The following SGCZ variants were observed in gnomAD, a reference collection of about 807,000 sequenced individuals.
The protein encoded by SGCZ is zeta-sarcoglycan.
In SGCZ, 40 loss-of-function variants were observed where a neutral mutation model predicts 41.3. The ratio of observed to expected loss-of-function variants is 0.97; its 90% CI spans 0.75 to 1.26. The LOEUF (loss-of-function observed/expected upper bound fraction) is 1.26. Among genes scored for constraint, SGCZ ranks in the 50% most tolerant of loss-of-function variants. SGCZ has a pLI of 0.00. For synonymous variants in SGCZ, 206 were observed against 137.5 expected, an observed-to-expected ratio of 1.50 and a Z score of -3.49; for missense variants, 552 against 369.8, an observed-to-expected ratio of 1.49 and a Z score of -4.04.
chr8:14,198,804 C>T (rs35968255), intron 4 of SGCZ, among the ~76,000 whole-genome samples: 6,042 of 152,200 alleles, frequency 0.04, 164 homozygotes, highest in Admixed American at 0.081. Context: ...ATTTCTTATG[C>T]CTGTCTTTAC....
intron 5 of SGCZ, among the ~76,000 whole-genome samples, chr8:14,140,543 A>G (rs1803337274): frequency 6.6e-6 from 1 of 152,126 alleles, no homozygotes. Context: ...AACAGAGAGC[A>G]AAATAGTGAG....
intron 1 of SGCZ, among the ~76,000 whole-genome samples, chr8:15,129,491 A>G (rs974894554): frequency 1.3e-5 from 2 of 152,148 alleles, no homozygotes; most frequent in African/African-American, 2.4e-5. Context: ...TTGCCATCAA[A>G]TGTCCTCTCA....
At chr8:14,779,855 T>G (rs1435174755) in intron 1 of SGCZ, among the ~76,000 whole-genome samples, 1 of 152,232 alleles carries the variant, frequency 6.6e-6, no homozygotes, top group Non-Finnish European at 1.5e-5. Context: ...TATTAATAAT[T>G]GCATTTAATT....
intron 2 of SGCZ, among the ~76,000 whole-genome samples, chr8:14,353,002 T>C (rs565704123): frequency 1.3e-5 from 2 of 152,232 alleles, no homozygotes; most frequent in African/African-American, 2.4e-5. Flanking sequence ...CTGTAACATT[T>C]CTGGACAACT....
chr8:14,990,232 T>C (rs1219421707), intron 1 of SGCZ, among the ~76,000 whole-genome samples: 1 of 152,010 alleles, frequency 6.6e-6, no homozygotes. Flanking sequence ...AAACCCAAAA[T>C]TTAGTGTGAT....
At chr8:14,871,319 C>G (rs1385450780) in intron 1 of SGCZ, among the ~76,000 whole-genome samples, 1 of 152,106 alleles carries the variant, frequency 6.6e-6, no homozygotes, top group African/African-American at 2.4e-5. Context: ...CTGTGAAAGA[C>G]AGTTTTGTGA....
chr8:14,414,677 T>C (rs1379240600), intron 2 of SGCZ, among the ~76,000 whole-genome samples: 2 of 152,006 alleles, frequency 1.3e-5, no homozygotes, highest in African/African-American at 4.8e-5. Flanking sequence ...TCTATCATAA[T>C]AGCATAACAA....
chr8:15,087,842 A>G (rs1177657631), intron 1 of SGCZ, among the ~76,000 whole-genome samples: 2 of 152,172 alleles, frequency 1.3e-5, no homozygotes, highest in Non-Finnish European at 2.9e-5. Context: ...ATCTAAAAAC[A>G]TTCCATTAAG....
intron 1 of SGCZ, among the ~76,000 whole-genome samples, chr8:14,598,489 C>A (rs2410198): frequency 0.11 from 16,339 of 151,218 alleles, 1,195 homozygotes; most frequent in East Asian, 0.34. Flanking sequence ...ATCTCTCTCT[C>A]TCTATATATA....
chr8:14,248,962 G>T (rs898476746), intron 3 of SGCZ, among the ~76,000 whole-genome samples: 2 of 152,022 alleles, frequency 1.3e-5, no homozygotes, highest in African/African-American at 4.8e-5. Context: ...ATAAACAATT[G>T]GATATAAACT....
At chr8:14,895,233 T>A (rs1805152705) in intron 1 of SGCZ, among the ~76,000 whole-genome samples, 1 of 152,148 alleles carries the variant, frequency 6.6e-6, no homozygotes, top group African/African-American at 2.4e-5. Flanking sequence ...GTTACTTGGG[T>A]TCAAATCCTA....
chr8:14,888,197 T>C (rs1002287834), intron 1 of SGCZ, among the ~76,000 whole-genome samples: 2 of 152,082 alleles, frequency 1.3e-5, no homozygotes, highest in African/African-American at 2.4e-5. Flanking sequence ...CCAATACACA[T>C]AGTAGTGACC....
At chr8:15,048,405 G>C (rs1435343993) in intron 1 of SGCZ, among the ~76,000 whole-genome samples, 1 of 152,002 alleles carries the variant, frequency 6.6e-6, no homozygotes, top group Non-Finnish European at 1.5e-5. Flanking sequence ...ATAAGTTCTA[G>C]TGTTCAATAG....
intron 1 of SGCZ, among the ~76,000 whole-genome samples, chr8:14,989,366 G>C (rs971031070): frequency 1.3e-5 from 2 of 152,008 alleles, no homozygotes; most frequent in African/African-American, 4.8e-5. Flanking sequence ...TATGCCTATA[G>C]TCTTAGCTAC....
intron 1 of SGCZ, among the ~76,000 whole-genome samples, chr8:15,099,236 T>C (rs867899748): frequency 1.3e-5 from 2 of 152,174 alleles, no homozygotes; most frequent in Non-Finnish European, 2.9e-5. Flanking sequence ...TAATAAGACA[T>C]TGAACATAAA....
intron 1 of SGCZ, among the ~76,000 whole-genome samples, chr8:14,745,740 A>G (rs973591449): frequency 3.9e-4 from 60 of 151,960 alleles, no homozygotes; most frequent in Admixed American, 1.4e-3. Context: ...AGAAGAAATG[A>G]CCCAGGGGAG....
intron 4 of SGCZ, among the ~76,000 whole-genome samples, chr8:14,193,888 G>C (rs938800424): frequency 6.6e-6 from 1 of 151,642 alleles, no homozygotes; most frequent in Admixed American, 6.6e-5. Flanking sequence ...GAGTCATTTT[G>C]ATTAATATAT....
chr8:14,224,860 T>C (rs552719208), intron 4 of SGCZ, among the ~76,000 whole-genome samples: 67 of 152,304 alleles, frequency 4.4e-4, no homozygotes, highest in Non-Finnish European at 8.2e-4. Flanking sequence ...TTGTTACTTA[T>C]ACTGTGACCC....
chr8:14,590,467 T>A (rs10093510), intron 1 of SGCZ, among the ~76,000 whole-genome samples: 30,621 of 151,486 alleles, frequency 0.2, 3,767 homozygotes, highest in Non-Finnish European at 0.27. Flanking sequence ...GAAGAATTAA[T>A]AAAATCAAGT....
Sources: gnomAD v4.1 joint callset for allele counts (sites outside exome capture counted in the v4.1 genomes callset) on GRCh38, gnomAD v4.1.1 for gene constraint, MANE v1.5 for transcripts, NCBI Gene and HGNC (gene_info 2026-07-23, HGNC 2026-07-21) for gene names.